Variants in KIAA1217 observed in about 807,000 individuals in gnomAD.
KIAA1217 encodes the protein sickle tail protein homolog.
In KIAA1217, 88 loss-of-function variants were observed where a neutral mutation model predicts 163.9. That is an observed-to-expected ratio of 0.54 (90% CI 0.45 to 0.64). KIAA1217 has a LOEUF of 0.64. Ranked by LOEUF, KIAA1217 falls within the 30% of genes least tolerant of loss-of-function variation. The pLI, the probability that KIAA1217 is intolerant of heterozygous loss-of-function variation, is 0.00. For synonymous variants in KIAA1217, 903 were observed against 923.1 expected (o/e 0.98, Z 0.39); for missense variants, 2,372 against 2,475.0 (o/e 0.96, Z 0.88).
intron 2 of KIAA1217, among the ~76,000 whole-genome samples, chr10:24,196,879 G>A (rs1462946368): frequency 6.6e-6 from 1 of 152,100 alleles, no homozygotes; most frequent in Non-Finnish European, 1.5e-5. Context: ...GGGAAAATCT[G>A]GCTTCACACC....
chr10:24,029,883 C>A (rs2131534125), intron 2 of KIAA1217, among the ~76,000 whole-genome samples: 1 of 152,234 alleles, frequency 6.6e-6, no homozygotes, highest in East Asian at 1.9e-4. Flanking sequence ...GGCTGTGTGA[C>A]AATGCAAGGG....
chr10:24,377,219 C>G (rs182222574), intron 2 of KIAA1217, among the ~76,000 whole-genome samples: 1 of 152,046 alleles, frequency 6.6e-6, no homozygotes, highest in Admixed American at 6.6e-5. Flanking sequence ...TTTGGGTTTG[C>G]GGGTTTGGGG....
intron 2 of KIAA1217, among the ~76,000 whole-genome samples, chr10:24,084,289 T>C (rs980893718): frequency 2.0e-5 from 3 of 152,236 alleles, no homozygotes; most frequent in Admixed American, 1.3e-4. Flanking sequence ...GTTTCACCTA[T>C]TAGAATGTAA....
At chr10:24,527,704 A>G (rs186490941) in intron 13 of KIAA1217, among the ~76,000 whole-genome samples, 1 of 152,186 alleles carries the variant, frequency 6.6e-6, no homozygotes, top group East Asian at 1.9e-4. Context: ...TACTTTTAAA[A>G]GCATCTTTTT....
intron 2 of KIAA1217, among the ~76,000 whole-genome samples, chr10:24,104,282 G>A (rs1407689431): frequency 1.3e-5 from 2 of 152,138 alleles, no homozygotes; most frequent in Non-Finnish European, 2.9e-5. Context: ...TCCAGTAAGT[G>A]AATGGATAAA....
Position 24,090,164 on chromosome 10 carries a change from C to CTTT in KIAA1217, c.-171+82808_-171+82810dup, listed in dbSNP as rs1162687231. On this transcript the variant is annotated intron_variant, in intron 2 of 18. Transcript: ENST00000376462. ...TTTTTCTTTCTTTCTTTTTCTTTTT[C>CTTT]TTTTTTTTTTTTTTTTTTTTGAGAC... Among the ~76,000 whole-genome samples, 61 of 109,234 alleles carry CTTT rather than the reference C, an allele frequency of 5.6e-4. 1 individual carries two copies. Among genetic ancestry groups the CTTT allele is most frequent in the African/African-American group, 1.8e-3 (47 of 25,552 alleles). The allele number at this position is 109,234 out of a possible 152,430, so 71.7% of individuals were successfully genotyped here. A position where few individuals can be genotyped will look rare whatever the true frequency, so the allele number is the denominator to read the frequency against.
chr10:23,896,545 G>C (rs933499291), intron 1 of KIAA1217, among the ~76,000 whole-genome samples: 3 of 151,918 alleles, frequency 2.0e-5, no homozygotes, highest in East Asian at 3.9e-4. Flanking sequence ...ATTTGATTTT[G>C]ACCTCTTATT....
chr10:23,824,658 A>AAAAAAAAATATATATATATATAT (rs1837805755), intron 1 of KIAA1217, among the ~76,000 whole-genome samples: 1 of 53,040 alleles, frequency 1.9e-5, no homozygotes, highest in African/African-American at 6.5e-5. Flanking sequence ...AAATAAAAAA[A>AAAAAAAAATATATATATATATAT]ATATATATAT....
intron 1 of KIAA1217, among the ~76,000 whole-genome samples, chr10:23,762,549 C>T (rs7092685): frequency 0.18 from 27,118 of 152,066 alleles, 2,573 homozygotes; most frequent in Middle Eastern, 0.27. Flanking sequence ...AGAAAAAGGC[C>T]TTTGATAAAA....
chr10:24,244,643 C>A (rs2073549755), intron 2 of KIAA1217, among the ~76,000 whole-genome samples: 1 of 146,294 alleles, frequency 6.8e-6, no homozygotes, highest in South Asian at 2.1e-4. Flanking sequence ...CCGCTTATTG[C>A]AACCTCCGCC....
intron 1 of KIAA1217, among the ~76,000 whole-genome samples, chr10:23,815,830 G>A (rs550246906): frequency 2.6e-5 from 4 of 152,128 alleles, no homozygotes; most frequent in Admixed American, 6.5e-5. Context: ...AAGAAATTTC[G>A]TTTACGAAGT....
rs189170155 is a variant in KIAA1217 at position 23,944,466 on chromosome 10, C to G, written c.-320-62759C>G. On this transcript the variant is annotated intron_variant, in intron 1 of 18. Transcript: ENST00000376462. The stretch of plus-strand genomic sequence containing the variant: ...AGTATATCAGAATATGTAATAAGCT[C>G]TAAAAAAAAAAGCAACAAAAAATAC... Among the ~76,000 whole-genome samples, 1,086 of 149,862 alleles carry G rather than the reference C, an allele frequency of 7.2e-3. 19 individuals are homozygous for G. The highest frequency in any genetic ancestry group is 0.025 in the African/African-American group (1,008 of 40,610).
chr10:24,335,488 A>G (rs1330649053), intron 2 of KIAA1217, among the ~76,000 whole-genome samples: 1 of 151,836 alleles, frequency 6.6e-6, no homozygotes, highest in Non-Finnish European at 1.5e-5. Context: ...ATGGGATGAA[A>G]AAGATGATCT....
At chr10:24,421,126 C>T (rs2058702908) in intron 3 of KIAA1217, among the ~76,000 whole-genome samples, 1 of 152,174 alleles carries the variant, frequency 6.6e-6, no homozygotes, top group Non-Finnish European at 1.5e-5. Context: ...CTGCCTCAGC[C>T]TCCCAAGGAG....
intron 1 of KIAA1217, among the ~76,000 whole-genome samples, chr10:24,217,344 CT>C (rs1238017427): frequency 1.3e-5 from 2 of 152,206 alleles, no homozygotes; most frequent in Admixed American, 6.5e-5. Flanking sequence ...ATAGTTCCAT[CT>C]TCTTCTCCTT....
rs1360654580 is a variant in KIAA1217, at chr10:24,072,963, T to G, written c.-171+65589T>G. Among the ~76,000 whole-genome samples the G allele has an allele frequency of 5.3e-5, 8 of 150,292 alleles. No homozygotes were observed. In the South Asian group the frequency reaches 8.4e-4, roughly 16 times the overall value. ...ATCCCAGCTACTCAGGAGGCTGCAG[T>G]GGGAGCATCACTTGAGCCTGGGATG... On this transcript the variant is annotated intron_variant, in intron 2 of 18. Coordinates refer to the KIAA1217 transcript ENST00000376462.
At chr10:23,798,692 T>C (rs924081044) in intron 1 of KIAA1217, among the ~76,000 whole-genome samples, 1 of 152,164 alleles carries the variant, frequency 6.6e-6, no homozygotes, top group African/African-American at 2.4e-5. Flanking sequence ...TAAAATATTC[T>C]GAAATGTGCA....
chr10:24,515,528 G>A (rs1323032127), intron 10 of KIAA1217, among the ~76,000 whole-genome samples: 1 of 152,158 alleles, frequency 6.6e-6, no homozygotes, highest in African/African-American at 2.4e-5. Context: ...TCATAAGAGG[G>A]CTTTATCTGG....
At position 23,695,461 on chromosome 10, in the gene KIAA1217, G is replaced by A. The variant is rs1835965929; in HGVS notation, c.-321+227G>A. Among the ~76,000 whole-genome samples the A allele has an allele frequency of 6.6e-6, 1 of 152,198 alleles. No homozygotes were observed. The highest frequency in any genetic ancestry group is 2.4e-5 in the African/African-American group (1 of 41,464). The stretch of plus-strand genomic sequence containing the variant: ...TGCCAAAAGGAGAAGACCCCCAACT[G>A]GGAGGAGGGACTGGAGAGGAACCGG... On this transcript the variant is annotated intron_variant, in intron 1 of 18. Coordinates refer to the KIAA1217 transcript ENST00000376462. This position sits in a 1 kb window ranked among gnomAD's most constrained non-coding sequence, Gnocchi z 4.9.
Sources: gnomAD v4.1 joint callset for allele counts (sites outside exome capture counted in the v4.1 genomes callset) on GRCh38, gnomAD v4.1.1 for gene constraint, Gnocchi (gnomAD v3.1) non-coding constraint, MANE v1.5 for transcripts, NCBI Gene and HGNC (gene_info 2026-07-23, HGNC 2026-07-21) for gene names.